Variants in PPP1R1C observed in about 807,000 individuals in gnomAD.
PPP1R1C encodes the protein protein phosphatase 1 regulatory inhibitor subunit 1C, also known as protein phosphatase 1 regulatory subunit 1C.
Under a neutral mutation model 17.4 loss-of-function variants are expected in PPP1R1C, and 15 were observed. That is an observed-to-expected ratio of 0.86 (90% CI 0.58 to 1.33). The LOEUF (loss-of-function observed/expected upper bound fraction) is 1.33. Among genes scored for constraint, PPP1R1C ranks in the 40% most tolerant of loss-of-function variants. The pLI is 0.00. For synonymous variants in PPP1R1C, 35 were observed against 43.1 expected (o/e 0.81, Z 0.73); for missense variants, 143 against 130.0 (o/e 1.10, Z -0.48).
At chr2:181,974,437 C>T (rs1441382345) in intron 1 of PPP1R1C, among the ~76,000 whole-genome samples, 1 of 152,106 alleles carries the variant, frequency 6.6e-6, no homozygotes, top group Non-Finnish European at 1.5e-5. Context: ...ATCTTAACTG[C>T]ACTTTAATAT....
At chr2:182,094,712 G>T (rs1688881276) in intron 4 of PPP1R1C, among the ~76,000 whole-genome samples, 1 of 152,096 alleles carries the variant, frequency 6.6e-6, no homozygotes, top group African/African-American at 2.4e-5. Context: ...GCACTTTTTT[G>T]AATTGCAGAT....
At chr2:182,044,668 G>A (rs1346771370) in intron 2 of PPP1R1C, among the ~76,000 whole-genome samples, 4 of 152,152 alleles carry the variant, frequency 2.6e-5, no homozygotes, top group Non-Finnish European at 5.9e-5. Flanking sequence ...TACTGTGGTT[G>A]CTTTTTAATC....
chr2:182,046,688 G>A (rs892357560), intron 2 of PPP1R1C, among the ~76,000 whole-genome samples: 10 of 151,078 alleles, frequency 6.6e-5, no homozygotes, highest in Non-Finnish European at 1.3e-4. Flanking sequence ...GCAGTGAGCC[G>A]AGATTGCGCC....
chr2:181,960,469 A>G (rs1015594816), intron 1 of PPP1R1C, among the ~76,000 whole-genome samples: 2 of 152,196 alleles, frequency 1.3e-5, no homozygotes, highest in African/African-American at 4.8e-5. Flanking sequence ...GCAATTTTGT[A>G]GTTTTTGTTC....
intron 4 of PPP1R1C, among the ~76,000 whole-genome samples, chr2:182,078,820 G>A (rs758740758): frequency 3.3e-5 from 5 of 152,322 alleles, no homozygotes; most frequent in Middle Eastern, 3.4e-3. Context: ...TATGTAGCAG[G>A]TGTGTTTTAA....
intron 2 of PPP1R1C, among the ~76,000 whole-genome samples, chr2:182,036,802 T>A (rs1315108252): frequency 6.6e-6 from 1 of 152,180 alleles, no homozygotes; most frequent in Non-Finnish European, 1.5e-5. Flanking sequence ...GTATAATACA[T>A]GTACTATTAA....
upstream of PPP1R1C, among the ~76,000 whole-genome samples, chr2:181,983,818 G>A (rs1322451231): frequency 6.6e-6 from 1 of 152,130 alleles, no homozygotes; most frequent in African/African-American, 2.4e-5. Context: ...TAAACCCAAT[G>A]TGGAGAACAG....
chr2:181,972,516 C>G (rs1008132817), intron 1 of PPP1R1C, among the ~76,000 whole-genome samples: 1 of 151,808 alleles, frequency 6.6e-6, no homozygotes, highest in Non-Finnish European at 1.5e-5. Flanking sequence ...CACAATACAT[C>G]AACAAAGTCC....
chr2:182,088,726 T>G (rs1688700685), intron 4 of PPP1R1C, among the ~76,000 whole-genome samples: 1 of 152,220 alleles, frequency 6.6e-6, no homozygotes, highest in Non-Finnish European at 1.5e-5. Context: ...TATTTCTTTT[T>G]CTCTACTTCT....
intron 2 of PPP1R1C, among the ~76,000 whole-genome samples, chr2:182,035,203 T>A (rs1686967075): frequency 6.6e-6 from 1 of 152,118 alleles, no homozygotes; most frequent in Non-Finnish European, 1.5e-5. Flanking sequence ...TTGAATAGAG[T>A]GCCGAATTCA....
At chr2:181,994,624 G>A (rs1385024209) in intron 2 of PPP1R1C, among the ~76,000 whole-genome samples, 1 of 152,134 alleles carries the variant, frequency 6.6e-6, no homozygotes. Flanking sequence ...GGTCATGTTA[G>A]TCTAATATTC....
chr2:182,049,127 G>A (rs974218100), intron 2 of PPP1R1C, among the ~76,000 whole-genome samples: 1 of 152,044 alleles, frequency 6.6e-6, no homozygotes, highest in Non-Finnish European at 1.5e-5. Flanking sequence ...GAGGTCATGA[G>A]TTCGACACCA....
chr2:181,974,808 G>C (rs1293437915), intron 1 of PPP1R1C, among the ~76,000 whole-genome samples: 1 of 152,208 alleles, frequency 6.6e-6, no homozygotes, highest in Non-Finnish European at 1.5e-5. Context: ...AGCAGTAGCT[G>C]CCTGGAACTA....
At chr2:181,984,687 A>G (rs2125138264), upstream of PPP1R1C, among the ~76,000 whole-genome samples, 1 of 152,348 alleles carries the variant, frequency 6.6e-6, no homozygotes, top group South Asian at 2.1e-4. Flanking sequence ...AATCATTAAG[A>G]TGGATTCCTA....
intron 1 of PPP1R1C, among the ~76,000 whole-genome samples, chr2:181,964,364 T>C (rs1684868483): frequency 6.6e-6 from 1 of 152,228 alleles, no homozygotes; most frequent in African/African-American, 2.4e-5. Context: ...ATCCATTGGT[T>C]TGTTGATGGA....
In PPP1R1C at chr2:182,043,968, C is replaced by T. The variant is rs551602854; in HGVS notation, c.143-17474C>T. The stretch of plus-strand genomic sequence containing the variant: ...ACCACAATATGAACAATTCCATGAA[C>T]TCAAAATCTAAGCCAGAAACTGCAT... On this transcript the variant is annotated intron_variant, in intron 2 of 4. Coordinates refer to ENST00000682840, the MANE Select transcript of PPP1R1C (RefSeq NM_001080545.3). Among the ~76,000 whole-genome samples, 83 of 152,282 alleles carry T rather than the reference C, an allele frequency of 5.5e-4. 1 individual carries two copies. The highest frequency in any genetic ancestry group is 1.9e-3 in the African/African-American group (78 of 41,572).
At chr2:182,060,701 A>G (rs1293591497) in intron 2 of PPP1R1C, among the ~76,000 whole-genome samples, 1 of 152,060 alleles carries the variant, frequency 6.6e-6, no homozygotes, top group Non-Finnish European at 1.5e-5. Context: ...CAGTTTTTGG[A>G]TCATGGGGTT....
intron 4 of PPP1R1C, among the ~76,000 whole-genome samples, chr2:182,104,399 T>C (rs1029316353): frequency 1.2e-4 from 18 of 152,326 alleles, no homozygotes; most frequent in Admixed American, 9.2e-4. Flanking sequence ...ATCCATTTAT[T>C]ATGAAATGAT....
intron 4 of PPP1R1C, among the ~76,000 whole-genome samples, chr2:182,077,759 T>G (rs758971367): frequency 6.6e-6 from 1 of 152,172 alleles, no homozygotes; most frequent in Non-Finnish European, 1.5e-5. Context: ...TCATTGGCAA[T>G]GAAACAGAAG....
Sources: gnomAD v4.1 joint callset for allele counts (sites outside exome capture counted in the v4.1 genomes callset) on GRCh38, gnomAD v4.1.1 for gene constraint, MANE v1.5 for transcripts, NCBI Gene and HGNC (gene_info 2026-07-23, HGNC 2026-07-21) for gene names.